Variants in SLC67A1 observed in about 807,000 individuals in gnomAD.
SLC67A1 encodes the protein solute carrier family 67 member A1.
the SLC67A1 span, chr11:2,924,973 G>A: frequency 1.3e-6 from 2 of 1,557,242 alleles, no homozygotes; most frequent in African/African-American, 1.4e-5. This position sits in a 1 kb window ranked among gnomAD's most constrained non-coding sequence, Gnocchi z 8.6. Context: ...GGCCCAGGGA[G>A]CTGCCCAGGG....
At chr11:2,901,347 C>T in the SLC67A1 span, among the ~76,000 whole-genome samples, 3 of 152,232 alleles carry the variant, frequency 2.0e-5, no homozygotes, top group Non-Finnish European at 4.4e-5. Context: ...GGCTCTCGCT[C>T]GCCTCTGCGA....
the SLC67A1 span, chr11:2,918,141 TC>T: frequency 6.7e-7 from 1 of 1,497,504 alleles, no homozygotes; most frequent in African/African-American, 1.4e-5. Flanking sequence ...CCTGGCAGAG[TC>T]CCAGCTGCGG....
At chr11:2,909,273 C>A in the SLC67A1 span, 7 of 1,534,942 alleles carry the variant, frequency 4.6e-6, no homozygotes, top group Non-Finnish European at 6.1e-6. Flanking sequence ...CTGCTCCTGG[C>A]GGCCGCCTCC....
the SLC67A1 span, among the ~76,000 whole-genome samples, chr11:2,913,723 G>A: frequency 6.6e-6 from 1 of 152,216 alleles, no homozygotes; most frequent in Non-Finnish European, 1.5e-5. Context: ...CCAGGTCCCA[G>A]CTGACCTAGC....
the SLC67A1 span, among the ~76,000 whole-genome samples, chr11:2,906,385 T>G: frequency 0.01 from 1,550 of 152,256 alleles, 37 homozygotes; most frequent in African/African-American, 0.035. Context: ...ACCCAAAGGA[T>G]TATAAATCAT....
chr11:2,919,496 G>A, the SLC67A1 span: 26 of 959,070 alleles, frequency 2.7e-5, no homozygotes, highest in Non-Finnish European at 4.1e-5. Context: ...CCCCGGCGGA[G>A]GCTGGGGAGC....
chr11:2,902,101 C>A, the SLC67A1 span: 1 of 151,984 alleles, frequency 6.6e-6, no homozygotes, highest in African/African-American at 2.4e-5. Context: ...GGCGAGCCCG[C>A]TGGTGGGCGG....
the SLC67A1 span, among the ~76,000 whole-genome samples, chr11:2,912,831 G>A: frequency 1.3e-5 from 2 of 152,178 alleles, no homozygotes; most frequent in Non-Finnish European, 2.9e-5. Flanking sequence ...CCTATCCTGA[G>A]CCAGACAGCA....
chr11:2,924,615 T>C, the SLC67A1 span, among the ~76,000 whole-genome samples: 2 of 152,158 alleles, frequency 1.3e-5, no homozygotes, highest in Admixed American at 1.3e-4. The surrounding 1 kb of genome is among the most constrained non-coding windows in gnomAD (Gnocchi z 8.6). Flanking sequence ...TTGGCAGGCC[T>C]GGCAGGGCGG....
chr11:2,900,411 G>C, the SLC67A1 span, among the ~76,000 whole-genome samples: 2 of 152,122 alleles, frequency 1.3e-5, no homozygotes, highest in East Asian at 1.9e-4. Flanking sequence ...GGGGGAAACA[G>C]GCTGGGCGCG....
the SLC67A1 span, chr11:2,903,396 G>A: frequency 2.2e-5 from 35 of 1,612,984 alleles, no homozygotes; most frequent in Non-Finnish European, 2.9e-5. Context: ...CCGGCAGGAT[G>A]AGCGCTCTAG....
At chr11:2,900,082 C>A in the SLC67A1 span, among the ~76,000 whole-genome samples, 1 of 151,862 alleles carries the variant, frequency 6.6e-6, no homozygotes, top group Admixed American at 6.6e-5. Flanking sequence ...CTTACACAGC[C>A]GGCCTTTCTG....
chr11:2,913,308 G>A, the SLC67A1 span, among the ~76,000 whole-genome samples: 1 of 152,184 alleles, frequency 6.6e-6, no homozygotes, highest in Non-Finnish European at 1.5e-5. Context: ...CCGCTGAGAT[G>A]GTTCTGGCCC....
At chr11:2,924,971 G>A in the SLC67A1 span, 1 of 1,559,958 alleles carries the variant, frequency 6.4e-7, no homozygotes, top group Non-Finnish European at 8.7e-7. This position sits in a 1 kb window ranked among gnomAD's most constrained non-coding sequence, Gnocchi z 8.6. Context: ...TTGGCCCAGG[G>A]AGCTGCCCAG....
At chr11:2,914,716 C>G in the SLC67A1 span, 1 of 985,420 alleles carries the variant, frequency 1.0e-6, no homozygotes, top group Non-Finnish European at 1.2e-6. Flanking sequence ...AAATAGCCAT[C>G]GAAGTGGTGC....
At chr11:2,919,290 C>A in the SLC67A1 span, 140 of 1,601,118 alleles carry the variant, frequency 8.7e-5, no homozygotes, top group Middle Eastern at 1.7e-3. Context: ...CACCCCTGTT[C>A]CCCTGCCCCG....
chr11:2,899,791 C>T, the SLC67A1 span: 11 of 1,365,800 alleles, frequency 8.1e-6, no homozygotes, highest in East Asian at 2.3e-4. Flanking sequence ...CCTGCTTCAC[C>T]TGGAGGAAGA....
chr11:2,905,868 G>A, the SLC67A1 span, among the ~76,000 whole-genome samples: 107 of 152,232 alleles, frequency 7.0e-4, no homozygotes, highest in Non-Finnish European at 1.1e-3. Context: ...AGAGAAACGG[G>A]GAGAGAGGAG....
At chr11:2,919,765 G>A in the SLC67A1 span, 12 of 266,858 alleles carry the variant, frequency 4.5e-5, no homozygotes, top group Non-Finnish European at 7.1e-5. Flanking sequence ...ATGACCTAAC[G>A]TGGCAAAGTG....
Sources: gnomAD v4.1 joint callset for allele counts (sites outside exome capture counted in the v4.1 genomes callset) on GRCh38, gnomAD v4.1.1 for gene constraint, Gnocchi (gnomAD v3.1) non-coding constraint, MANE v1.5 for transcripts, NCBI Gene and HGNC (gene_info 2026-07-23, HGNC 2026-07-21) for gene names.